The following SHISA9 variants were observed in gnomAD, a reference collection of about 807,000 sequenced individuals.
SHISA9 encodes protein shisa-9.
In SHISA9, 13 loss-of-function variants were observed where a neutral mutation model predicts 38.0. The observed-to-expected ratio is 0.34, with a 90% CI of 0.22 to 0.54. The LOEUF is 0.54. Among genes scored for constraint, SHISA9 ranks in the 20% least tolerant of loss-of-function variants. SHISA9 has a pLI of 0.91. For missense variants in SHISA9, 538 were observed against 575.8 expected (o/e 0.93, Z 0.67); for synonymous variants, 275 against 242.0 (o/e 1.14, Z -1.27).
chr16:12,941,700 A>C (rs1362224479), intron 2 of SHISA9, among the ~76,000 whole-genome samples: 1 of 152,124 alleles, frequency 6.6e-6, no homozygotes, highest in Non-Finnish European at 1.5e-5. Flanking sequence ...TAAAAATACA[A>C]ATTAGCTGGG....
At chr16:13,278,252 C>G in the SHISA9 span, among the ~76,000 whole-genome samples, 12 of 152,080 alleles carry the variant, frequency 7.9e-5, no homozygotes, top group African/African-American at 2.9e-4. Flanking sequence ...ATCCCTGCAT[C>G]CCTAGCATGA....
chr16:13,083,796 C>G (rs761210264), intron 2 of SHISA9, among the ~76,000 whole-genome samples: 9 of 152,074 alleles, frequency 5.9e-5, no homozygotes, highest in African/African-American at 1.2e-4. Context: ...TTTCCATAGA[C>G]GAAGGTGGCT....
chr16:13,162,900 G>A (rs920482304), intron 2 of SHISA9, among the ~76,000 whole-genome samples: 6 of 151,936 alleles, frequency 3.9e-5, no homozygotes, highest in East Asian at 1.9e-4. Context: ...CCTTGGAGCC[G>A]TTATCCTGTT....
chr16:13,560,006 G>A, the SHISA9 span, among the ~76,000 whole-genome samples: 1 of 152,182 alleles, frequency 6.6e-6, no homozygotes, highest in African/African-American at 2.4e-5. Flanking sequence ...TCCAAGTAAT[G>A]AAAAGATAAA....
At chr16:12,906,907 G>A (rs951098657) in intron 1 of SHISA9, among the ~76,000 whole-genome samples, 1 of 152,068 alleles carries the variant, frequency 6.6e-6, no homozygotes, top group African/African-American at 2.4e-5. Flanking sequence ...TCATCTAAGG[G>A]CAAAGGGCAA....
intron 2 of SHISA9, among the ~76,000 whole-genome samples, chr16:13,084,116 G>A (rs761265381): frequency 6.6e-6 from 1 of 152,048 alleles, no homozygotes; most frequent in Non-Finnish European, 1.5e-5. Flanking sequence ...AAGAAAAAAG[G>A]CTAGTTTCTT....
At chr16:13,525,074 G>A in the SHISA9 span, among the ~76,000 whole-genome samples, 132 of 152,198 alleles carry the variant, frequency 8.7e-4, no homozygotes, top group African/African-American at 3.0e-3. Context: ...ATTATACCAG[G>A]GGTTGATAAA....
Position 13,144,745 on chromosome 16 carries a change from A to G in SHISA9, c.692-58649A>G, listed in dbSNP as rs551946386. ...CTGTTGATTTTGGGCCTTGGTTTGGACAAATGGAGGGCAGCGGAAGCCGCC... is the reference window on the plus strand; with the variant it reads ...CTGTTGATTTTGGGCCTTGGTTTGGGCAAATGGAGGGCAGCGGAAGCCGCC... On this transcript the variant is annotated intron_variant, in intron 2 of 4. Coordinates refer to ENST00000558583, the MANE Select transcript of SHISA9 (RefSeq NM_001145204.3). 3.9e-5 allele frequency among the ~76,000 whole-genome samples: 6 copies of G among 152,286 alleles called. No homozygotes were observed. In the South Asian group the frequency reaches 1.2e-3, roughly 32 times the overall value.
At chr16:13,476,883 G>A in the SHISA9 span, among the ~76,000 whole-genome samples, 11 of 151,436 alleles carry the variant, frequency 7.3e-5, no homozygotes, top group African/African-American at 2.2e-4. Flanking sequence ...CGAGTAGCTG[G>A]GACTACAGGC....
At position 13,235,658 on chromosome 16, in the gene SHISA9, C is replaced by T. The variant is rs1358491269; in HGVS notation, c.*249C>T. The T allele has an allele frequency of 4.2e-6, 2 of 481,878 alleles. No individual in the cohort carries two copies. Among genetic ancestry groups the T allele is most frequent in the Non-Finnish European group, 7.2e-6 (2 of 277,078 alleles). 29.9% of individuals were successfully genotyped at this position (481,878 alleles called of 1,614,324 possible). On this transcript the variant is annotated 3_prime_UTR_variant, in exon 5 of 5. Coordinates refer to ENST00000558583, the MANE Select transcript of SHISA9 (RefSeq NM_001145204.3). Reference sequence around the variant, plus strand: ...CAATACAGCAAAGGGGAAAATGAGGCACACTCTTTCCACTTCAGGCCCAAG... The same window carrying T: ...CAATACAGCAAAGGGGAAAATGAGGTACACTCTTTCCACTTCAGGCCCAAG...
chr16:13,139,874 A>G (rs1489300684), intron 2 of SHISA9, among the ~76,000 whole-genome samples: 2 of 152,016 alleles, frequency 1.3e-5, no homozygotes, highest in East Asian at 3.9e-4. Context: ...CTTCAGAGTC[A>G]CTCATTAAGC....
chr16:13,477,252 T>C, the SHISA9 span, among the ~76,000 whole-genome samples: 3 of 152,190 alleles, frequency 2.0e-5, no homozygotes, highest in African/African-American at 7.2e-5. Flanking sequence ...GCAGTAGACT[T>C]AGGGCTGTGA....
intron 2 of SHISA9, among the ~76,000 whole-genome samples, chr16:13,162,710 G>A (rs920429780): frequency 7.9e-5 from 12 of 152,098 alleles, no homozygotes; most frequent in Non-Finnish European, 1.5e-4. Flanking sequence ...ACAGGTGTAT[G>A]GATATTGTCA....
At chr16:13,424,655 A>G in the SHISA9 span, among the ~76,000 whole-genome samples, 2 of 152,188 alleles carry the variant, frequency 1.3e-5, no homozygotes, top group Non-Finnish European at 2.9e-5. Flanking sequence ...TTTTATAAAT[A>G]TGTTAGATTT....
Position 12,916,835 on chromosome 16 carries a change from C to T in SHISA9, c.691+20C>T, listed in dbSNP as rs570521985. Reference sequence around the variant, plus strand: ...ATCTTCGTAAGTACAGCTGCATGAACCATTTCCAGTCCCATGGGGTGACCT... The same window carrying T: ...ATCTTCGTAAGTACAGCTGCATGAATCATTTCCAGTCCCATGGGGTGACCT... On this transcript the variant is annotated intron_variant, in intron 2 of 4. Coordinates refer to ENST00000558583, the MANE Select transcript of SHISA9 (RefSeq NM_001145204.3). 6.5e-6 allele frequency: 10 copies of T among 1,549,848 alleles called. 1 individual carries two copies. In the African/African-American group the frequency reaches 1.2e-4, roughly 19 times the overall value.
chr16:13,060,164 C>T (rs2073357245), intron 2 of SHISA9, among the ~76,000 whole-genome samples: 1 of 152,158 alleles, frequency 6.6e-6, no homozygotes, highest in South Asian at 2.1e-4. Flanking sequence ...TGCCGGTTTC[C>T]TCTGTTCTCT....
intron 4 of SHISA9, among the ~76,000 whole-genome samples, chr16:13,225,736 A>T (rs969298314): frequency 3.9e-5 from 6 of 152,116 alleles, no homozygotes; most frequent in Non-Finnish European, 7.4e-5. Context: ...GGAACTGGTT[A>T]TTACCTTGAC....
At chr16:13,552,472 T>C in the SHISA9 span, among the ~76,000 whole-genome samples, 1 of 151,950 alleles carries the variant, frequency 6.6e-6, no homozygotes, top group Non-Finnish European at 1.5e-5. Context: ...GTGGTCTTCA[T>C]GCACCTTCTA....
intron 2 of SHISA9, among the ~76,000 whole-genome samples, chr16:13,142,918 G>A (rs1473719481): frequency 1.3e-5 from 2 of 152,002 alleles, no homozygotes; most frequent in African/African-American, 2.4e-5. Flanking sequence ...AATGGGAGGG[G>A]ATATATTCAA....
Sources: allele counts gnomAD v4.1 joint callset (sites outside exome capture counted in the v4.1 genomes callset), GRCh38; gene constraint gnomAD v4.1.1; transcripts MANE v1.5; gene names NCBI Gene and HGNC (gene_info 2026-07-23, HGNC 2026-07-21).